Variants in NEXMIF observed in about 807,000 individuals in gnomAD.
NEXMIF encodes XLMR protein related to neurite extension.
In NEXMIF, 8 loss-of-function variants were observed where a neutral mutation model predicts 62.1. The ratio of observed to expected loss-of-function variants is 0.13; its 90% CI spans 0.08 to 0.23. The LOEUF is 0.23. NEXMIF is among the 10% of genes least tolerant of loss of function. The pLI, the probability that NEXMIF is intolerant of heterozygous loss-of-function variation, is 1.00. For synonymous variants in NEXMIF, 404 were observed against 416.6 expected (o/e 0.97, Z 0.37); for missense variants, 976 against 1,113.3 (o/e 0.88, Z 1.75).
At chrX:74,884,444 G>A (rs1018772897) in intron 1 of NEXMIF, among the ~76,000 whole-genome samples, 1 of 111,425 alleles carries the variant, frequency 9.0e-6, no homozygotes, top group African/African-American at 3.3e-5. Context: ...TAAAGGGATG[G>A]AGGAAGATCT....
intron 1 of NEXMIF, among the ~76,000 whole-genome samples, chrX:74,801,702 T>C (rs1037984623): frequency 8.9e-6 from 1 of 112,354 alleles, no homozygotes; most frequent in Non-Finnish European, 1.9e-5. Context: ...GGGGACTTTG[T>C]CTTGCACCTC....
chrX:74,760,954 G>A (rs1191824401), intron 1 of NEXMIF, among the ~76,000 whole-genome samples: 2 of 109,583 alleles, frequency 1.8e-5, no homozygotes, highest in African/African-American at 6.7e-5. Context: ...TGCAACCTCC[G>A]CCTCCCTGGT....
chrX:74,883,237 T>G (rs1452364066), intron 1 of NEXMIF, among the ~76,000 whole-genome samples: 3 of 110,801 alleles, frequency 2.7e-5, no homozygotes, highest in East Asian at 2.9e-4. Context: ...AAAATCAGAG[T>G]GCCTCTCCTC....
intron 1 of NEXMIF, among the ~76,000 whole-genome samples, chrX:74,859,804 CTTGT>C (rs201632031): frequency 1.8e-5 from 2 of 111,512 alleles, no homozygotes; most frequent in East Asian, 5.6e-4. Context: ...ATTTTGCTTG[CTTGT>C]TTGTTTATGG....
At chrX:74,835,973 G>C (rs866260760) in intron 1 of NEXMIF, among the ~76,000 whole-genome samples, 1 of 112,470 alleles carries the variant, frequency 8.9e-6, no homozygotes, top group Non-Finnish European at 1.9e-5. Context: ...AAGTGGCTAA[G>C]CTGGTGCTAA....
Position 74,903,880 on chromosome X carries a change from CGTGTGTGTGTGTGT to C in NEXMIF, c.-48+20989_-48+21002del, listed in dbSNP as rs3222701. ...CAAAACTGTAGGCAACAATTCTAAT[CGTGTGTGTGTGTGT>C]GTGTGTGTGTGTGTGTGTGTGTGTG... On this transcript the variant is annotated intron_variant, in intron 1 of 3. Transcript: ENST00000055682. 5.6e-3 allele frequency among the ~76,000 whole-genome samples: 524 copies of C among 94,163 alleles called. 2 individuals carry two copies. The highest frequency in any genetic ancestry group is 0.015 in the African/African-American group (388 of 25,898). The allele number at this position is 94,163 out of a possible 115,157, so 81.8% of individuals were successfully genotyped here. A position where few individuals can be genotyped will look rare whatever the true frequency, so the allele number is the denominator to read the frequency against.
At chrX:74,854,257 C>T (rs2080526035) in intron 1 of NEXMIF, among the ~76,000 whole-genome samples, 1 of 112,108 alleles carries the variant, frequency 8.9e-6, no homozygotes, top group Non-Finnish European at 1.9e-5. Flanking sequence ...CCCAGGGATG[C>T]AAGGATGGTT....
chrX:74,800,094 C>T (rs2080324886), intron 1 of NEXMIF, among the ~76,000 whole-genome samples: 1 of 111,668 alleles, frequency 9.0e-6, no homozygotes, highest in African/African-American at 3.3e-5. Flanking sequence ...TACACATACT[C>T]CAAGACAAGC....
Position 74,741,773 on chromosome X carries a change from G to C in NEXMIF, c.2784C>G (p.Leu928=), listed in dbSNP as rs754561437. Residue 928 remains leucine, a synonymous_variant, in exon 3 of 4, where the codon CTC becomes CTG. Coordinates refer to ENST00000055682, the MANE Select transcript of NEXMIF (RefSeq NM_001008537.3). ...ASQVVSMENN[L]TPTTYNPICL... ...AGATTGGATTGTATGTTGTAGGTGT[G>C]AGGTTATTTTCCATGGAGACTACTT... 20 of 1,210,380 alleles carry C rather than the reference G, an allele frequency of 1.7e-5. No homozygotes were observed. The East Asian group carries it at 5.3e-4, about 32-fold the overall frequency.
chrX:74,908,921 TCTCC>T (rs1289527511), intron 1 of NEXMIF, among the ~76,000 whole-genome samples: 1 of 111,823 alleles, frequency 8.9e-6, no homozygotes, highest in Non-Finnish European at 1.9e-5. Flanking sequence ...CACTTTTGCA[TCTCC>T]CTCATTTTCT....
intron 1 of NEXMIF, among the ~76,000 whole-genome samples, chrX:74,783,727 GCAGA>G (rs779585020): frequency 1.1e-4 from 12 of 111,640 alleles, no homozygotes; most frequent in Non-Finnish European, 2.1e-4. Flanking sequence ...GGGGTATAAA[GCAGA>G]CAAAGAGGCT....
rs756250908 is a variant in NEXMIF at position 74,821,212 on chromosome X, CTTCT to C, written c.-47-75519_-47-75516del. On this transcript the variant is annotated intron_variant, in intron 1 of 3. Coordinates refer to ENST00000055682, the MANE Select transcript of NEXMIF (RefSeq NM_001008537.3). ...CTCTCCCATTCCTTTCCAACATTAT[CTTCT>C]TTCTCTCTCTCACCCTTTTCTTTTT... Among the ~76,000 whole-genome samples the C allele has an allele frequency of 1.7e-4, 19 of 110,688 alleles. 1 individual carries two copies. In the South Asian group the frequency reaches 7.4e-3, roughly 43 times the overall value.
intron 1 of NEXMIF, among the ~76,000 whole-genome samples, chrX:74,924,529 C>G (rs2080837287): frequency 2.6e-5 from 3 of 113,337 alleles, no homozygotes; most frequent in Admixed American, 9.2e-5. Flanking sequence ...AGGCTCTACC[C>G]TGCACCAGTC....
chrX:74,865,595 C>A (rs935870930), intron 1 of NEXMIF, among the ~76,000 whole-genome samples: 1 of 111,895 alleles, frequency 8.9e-6, no homozygotes, highest in Non-Finnish European at 1.9e-5. Context: ...ATCTCCAGGC[C>A]ATGTCAGAGA....
At chrX:74,793,596 G>A (rs1442147901) in intron 1 of NEXMIF, among the ~76,000 whole-genome samples, 7 of 110,443 alleles carry the variant, frequency 6.3e-5, no homozygotes, top group Admixed American at 9.7e-5. Flanking sequence ...CATTCTCCCC[G>A]TCACTTTCAG....
At chrX:74,757,392 T>C (rs1380084283) in intron 1 of NEXMIF, among the ~76,000 whole-genome samples, 1 of 112,244 alleles carries the variant, frequency 8.9e-6, no homozygotes, top group Non-Finnish European at 1.9e-5. Context: ...TGTCATCATA[T>C]TCTTCAATTC....
intron 1 of NEXMIF, among the ~76,000 whole-genome samples, chrX:74,849,864 C>A (rs1602250074): frequency 8.9e-6 from 1 of 112,120 alleles, no homozygotes; most frequent in Middle Eastern, 4.7e-3. Context: ...CACCTGAGAC[C>A]AAGGCATGTG....
Position 74,754,318 on chromosome X carries a change from T to A in NEXMIF, c.-47-8621A>T, listed in dbSNP as rs776152155. On this transcript the variant is annotated intron_variant, in intron 1 of 3. Coordinates refer to ENST00000055682, the MANE Select transcript of NEXMIF (RefSeq NM_001008537.3). ...TTTTTATTTTTATTTTTTTATTTTTTTTTTTTGTGAGACGGAGTCTCACTC... is the reference window on the plus strand; with the variant it reads ...TTTTTATTTTTATTTTTTTATTTTTATTTTTTGTGAGACGGAGTCTCACTC... 4.4e-3 allele frequency among the ~76,000 whole-genome samples: 464 copies of A among 106,515 alleles called. 4 individuals carry two copies. Among genetic ancestry groups the A allele is most frequent in the African/African-American group, 0.014 (426 of 29,443 alleles). 92.5% of individuals were successfully genotyped at this position (106,515 alleles called of 115,157 possible). A position where few individuals can be genotyped will look rare whatever the true frequency, so the allele number is the denominator to read the frequency against.
intron 1 of NEXMIF, among the ~76,000 whole-genome samples, chrX:74,875,613 C>G (rs1437830223): frequency 9.0e-6 from 1 of 111,691 alleles, no homozygotes. Flanking sequence ...GGCTGTGAAT[C>G]CATCTGGTCC....
Sources: allele counts gnomAD v4.1 joint callset (sites outside exome capture counted in the v4.1 genomes callset), GRCh38; gene constraint gnomAD v4.1.1; transcripts MANE v1.5; gene names NCBI Gene and HGNC (gene_info 2026-07-23, HGNC 2026-07-21).